The following PDK1 variants were observed in gnomAD, a reference collection of about 807,000 sequenced individuals.
PDK1 encodes the protein [Pyruvate dehydrogenase (acetyl-transferring)] kinase isozyme 1, mitochondrial.
In PDK1, 39 loss-of-function variants were observed where a neutral mutation model predicts 54.2. That is an observed-to-expected ratio of 0.72 (90% CI 0.56 to 0.94). PDK1 has a LOEUF of 0.94. Ranked by LOEUF, PDK1 falls within the 40% of genes least tolerant of loss-of-function variation. The probability of loss-of-function intolerance (pLI) is 0.00; values close to 1 mark genes in which losing one functional copy is unlikely to be tolerated. For synonymous variants in PDK1, 221 were observed against 207.1 expected (o/e 1.07, Z -0.58); for missense variants, 552 against 566.0 (o/e 0.98, Z 0.25).
chr2:172,636,342 T>A, the PDK1 span, among the ~76,000 whole-genome samples: 1 of 152,078 alleles, frequency 6.6e-6, no homozygotes, highest in South Asian at 2.1e-4. Context: ...GGAGCCCACA[T>A]TACATGGTGA....
the PDK1 span, among the ~76,000 whole-genome samples, chr2:172,636,677 C>T: frequency 1.7e-3 from 248 of 149,892 alleles, 1 homozygote; most frequent in South Asian, 2.9e-3. Flanking sequence ...GCTGAGATCA[C>T]GCCACTGCCC....
the PDK1 span, among the ~76,000 whole-genome samples, chr2:172,620,003 A>G: frequency 6.6e-6 from 1 of 152,112 alleles, no homozygotes; most frequent in Non-Finnish European, 1.5e-5. Flanking sequence ...CATCTCTACT[A>G]AAAATACAAA....
At chr2:172,653,239 A>C in the PDK1 span, among the ~76,000 whole-genome samples, 20 of 152,318 alleles carry the variant, frequency 1.3e-4, no homozygotes, top group African/African-American at 4.6e-4. Context: ...CCTATTTAAT[A>C]AATGGTGCTG....
the PDK1 span, among the ~76,000 whole-genome samples, chr2:172,719,955 G>C: frequency 6.6e-6 from 1 of 152,254 alleles, no homozygotes; most frequent in East Asian, 1.9e-4. Context: ...ATTGTTTGCA[G>C]GACAGCAGAG....
the PDK1 span, among the ~76,000 whole-genome samples, chr2:172,668,274 C>A: frequency 1.8e-4 from 24 of 131,820 alleles, no homozygotes; most frequent in African/African-American, 3.1e-4. Flanking sequence ...TTCTTTCTTT[C>A]TTTATTTTTT....
At chr2:172,581,446 G>A (rs1048456035) in intron 8 of PDK1, among the ~76,000 whole-genome samples, 2 of 152,076 alleles carry the variant, frequency 1.3e-5, no homozygotes, top group Non-Finnish European at 2.9e-5. Context: ...GCTTGTAAAG[G>A]TCTCAAAAAA....
At chr2:172,574,605 A>G (rs1312032191) in intron 8 of PDK1, among the ~76,000 whole-genome samples, 1 of 152,170 alleles carries the variant, frequency 6.6e-6, no homozygotes, top group African/African-American at 2.4e-5. Flanking sequence ...GCTTTCTTTC[A>G]ATAATGTTTT....
the PDK1 span, among the ~76,000 whole-genome samples, chr2:172,643,825 C>A: frequency 6.6e-6 from 1 of 152,180 alleles, no homozygotes; most frequent in East Asian, 1.9e-4. Context: ...CTCCCTAAAG[C>A]ATTATGAAGA....
At chr2:172,718,267 T>C in the PDK1 span, among the ~76,000 whole-genome samples, 4 of 152,186 alleles carry the variant, frequency 2.6e-5, no homozygotes, top group Non-Finnish European at 5.9e-5. Context: ...AAGGAAATAA[T>C]GAAGCTAGTG....
At chr2:172,558,917 C>T in intron 2 of PDK1, 68 bp downstream of exon 2, 1 of 1,362,730 alleles carries the variant, frequency 7.3e-7, no homozygotes, top group South Asian at 1.3e-5. Context: ...ACAGCAAATG[C>T]TTTTTTTTAC....
At chr2:172,584,830 G>GTTTTTT (rs1273636309) in intron 8 of PDK1, among the ~76,000 whole-genome samples, 1 of 116,494 alleles carries the variant, frequency 8.6e-6, no homozygotes, top group African/African-American at 3.2e-5. Context: ...TAATTTTAAA[G>GTTTTTT]TTTTTTTTTT....
chr2:172,574,753 A>AT (rs1574491808), intron 8 of PDK1, among the ~76,000 whole-genome samples: 4 of 152,052 alleles, frequency 2.6e-5, no homozygotes. Context: ...AATATAACTG[A>AT]TTTTTTTGTA....
chr2:172,680,582 G>T, the PDK1 span, among the ~76,000 whole-genome samples: 1 of 152,002 alleles, frequency 6.6e-6, no homozygotes, highest in Non-Finnish European at 1.5e-5. Flanking sequence ...TGACCAGGCT[G>T]GTCTTGAACT....
chr2:172,562,823 T>G, intron 3 of PDK1: 3 of 1,608,862 alleles, frequency 1.9e-6, no homozygotes, highest in Non-Finnish European at 2.5e-6. Flanking sequence ...ACAATGTTAA[T>G]AACCCATATA....
At chr2:172,707,671 T>C in the PDK1 span, among the ~76,000 whole-genome samples, 6 of 152,160 alleles carry the variant, frequency 3.9e-5, no homozygotes, top group South Asian at 2.1e-4. Flanking sequence ...TCGTTTTATA[T>C]ATAATGTTCA....
chr2:172,673,260 G>A, the PDK1 span, among the ~76,000 whole-genome samples: 9 of 152,282 alleles, frequency 5.9e-5, no homozygotes, highest in South Asian at 1.9e-3. Context: ...CTTGGGAGGT[G>A]AGCATGTGCA....
At chr2:172,627,674 A>G in the PDK1 span, among the ~76,000 whole-genome samples, 3 of 152,216 alleles carry the variant, frequency 2.0e-5, no homozygotes, top group African/African-American at 7.2e-5. Flanking sequence ...TTCAAGTTCC[A>G]TGCATCTAGT....
intron 7 of PDK1, among the ~76,000 whole-genome samples, chr2:172,569,339 G>A (rs1376357614): frequency 3.3e-5 from 5 of 152,112 alleles, no homozygotes; most frequent in Admixed American, 6.5e-5. Flanking sequence ...TTGACTTACA[G>A]GGTTTCTGCT....
At chr2:172,670,053 T>TA in the PDK1 span, among the ~76,000 whole-genome samples, 162 of 150,900 alleles carry the variant, frequency 1.1e-3, no homozygotes, top group Admixed American at 2.8e-3. Flanking sequence ...GGCATAGATT[T>TA]AAAAAAAAAA....
Sources: allele counts gnomAD v4.1 joint callset (sites outside exome capture counted in the v4.1 genomes callset), GRCh38; gene constraint gnomAD v4.1.1; transcripts MANE v1.5; gene names NCBI Gene and HGNC (gene_info 2026-07-23, HGNC 2026-07-21).